Variants in ATM observed in about 807,000 individuals in gnomAD.
The protein encoded by ATM is serine-protein kinase ATM.
Under a neutral mutation model 387.0 loss-of-function variants are expected in ATM, and 308 were observed. The ratio of observed to expected loss-of-function variants is 0.80; its 90% CI spans 0.73 to 0.87. The LOEUF (loss-of-function observed/expected upper bound fraction) is 0.87, where lower values mean the gene tolerates loss of function less well. Among genes scored for constraint, ATM ranks in the 40% least tolerant of loss-of-function variants. The pLI, the probability that ATM is intolerant of heterozygous loss-of-function variation, is 0.00. For missense variants in ATM, 3,312 were observed against 3,560.9 expected (o/e 0.93, Z 1.78); for synonymous variants, 1,156 against 1,187.3 (o/e 0.97, Z 0.54).
chr11:108,298,696 A>G (rs995305186), intron 33 of ATM, among the ~76,000 whole-genome samples: 5 of 152,244 alleles, frequency 3.3e-5, no homozygotes, highest in Non-Finnish European at 7.3e-5. Context: ...AGCCAGAGCA[A>G]TTAAACAAGA....
rs745737218 is a variant in ATM at position 108,268,557 on chromosome 11, T to A, written c.2786T>A (p.Met929Lys). ...GCTGATATTCGGAGGAAATTGTTAA[T>A]GTTAATTGATTCTAGCACGCTAGAA... ...RAADIRRKLL[M>K]LIDSSTLEPT... Residue 929 changes from methionine (M) to lysine (K), a missense_variant, in exon 18 of 63, where the codon ATG (methionine) becomes AAG (lysine). Physicochemically the swap from Met to Lys is moderately conservative, Grantham distance 95 (BLOSUM62 -1). This residue lies in a region of ATM where 1,791 missense variants were observed against 1,804.5 expected (regional missense o/e 0.99). Transcript: ENST00000675843. 1 of 1,614,106 alleles carries A rather than the reference T, an allele frequency of 6.2e-7. No homozygotes were observed. Among genetic ancestry groups the A allele is most frequent in the Middle Eastern group, 1.7e-4 (1 of 6,060 alleles).
chr11:108,275,778 C>G (rs2081911544), intron 22 of ATM, among the ~76,000 whole-genome samples: 2 of 152,200 alleles, frequency 1.3e-5, no homozygotes, highest in African/African-American at 4.8e-5. Flanking sequence ...CGACCTTTCT[C>G]TCTGGCTGCC....
chr11:108,290,947 G>A (rs184856247), intron 29 of ATM, among the ~76,000 whole-genome samples: 2 of 152,028 alleles, frequency 1.3e-5, no homozygotes, highest in South Asian at 2.1e-4. Flanking sequence ...TAGAATTGGG[G>A]TTGTTCGGCC....
In ATM at chr11:108,233,978, A is replaced by G. The variant is rs911829634; in HGVS notation, c.332-1692A>G. ...ATTTTATTATAATATTAATTTCTGT[A>G]GTTATTCAACACAAATTAATTTTTA... On this transcript the variant is annotated intron_variant, in intron 4 of 62. Coordinates refer to ENST00000675843, the MANE Select transcript of ATM (RefSeq NM_000051.4). 2.0e-5 allele frequency among the ~76,000 whole-genome samples: 3 copies of G among 152,226 alleles called. No individual in the cohort carries two copies. The South Asian group carries it at 6.2e-4, about 32-fold the overall frequency.
At chr11:108,305,229 G>A (rs1312134143) in intron 37 of ATM, among the ~76,000 whole-genome samples, 1 of 152,230 alleles carries the variant, frequency 6.6e-6, no homozygotes, top group African/African-American at 2.4e-5. Context: ...TTTAGGTACT[G>A]TGGTGCAGAT....
intron 5 of ATM, among the ~76,000 whole-genome samples, chr11:108,237,905 T>G (rs1271848096): frequency 4.9e-5 from 2 of 40,848 alleles, no homozygotes; most frequent in Admixed American, 3.6e-4. Context: ...TTAGGTTTTT[T>G]TTTTTTTTTT....
chr11:108,290,053 T>C, intron 29 of ATM: 1 of 387,522 alleles, frequency 2.6e-6, no homozygotes. Context: ...GAGGTGGGGT[T>C]TCACCATATT....
At chr11:108,267,644 G>T (rs2081334156) in intron 17 of ATM, among the ~76,000 whole-genome samples, 1 of 152,138 alleles carries the variant, frequency 6.6e-6, no homozygotes, top group Non-Finnish European at 1.5e-5. Context: ...TGATCATGAG[G>T]TCAGGAGATC....
At chr11:108,313,131 G>T (rs1020322228) in intron 40 of ATM, among the ~76,000 whole-genome samples, 2 of 152,092 alleles carry the variant, frequency 1.3e-5, no homozygotes, top group African/African-American at 2.4e-5. Context: ...ATAATCTTCC[G>T]TCATGTTACA....
intron 42 of ATM, 130 bp from the exon 43 acceptor site, chr11:108,317,243 T>C: frequency 2.2e-6 from 2 of 911,956 alleles, no homozygotes; most frequent in Admixed American, 4.4e-5. Context: ...CCAGCTGATA[T>C]TTTGGGATTT....
intron 32 of ATM, chr11:108,296,892 C>T: frequency 3.8e-6 from 1 of 261,442 alleles, no homozygotes; most frequent in Non-Finnish European, 7.5e-6. Flanking sequence ...ACATTTCCAT[C>T]ATTGCAGAAA....
chr11:108,359,643 C>T (rs187353029), intron 61 of ATM, among the ~76,000 whole-genome samples: 1 of 152,262 alleles, frequency 6.6e-6, no homozygotes, highest in Non-Finnish European at 1.5e-5. Context: ...TTAAGAATCT[C>T]ACTCAAAACC....
chr11:108,357,709 C>T (rs934734169), intron 61 of ATM, among the ~76,000 whole-genome samples: 180 of 152,244 alleles, frequency 1.2e-3, no homozygotes, highest in East Asian at 2.5e-3. Flanking sequence ...CGGCAGGGTA[C>T]TCCAACAGAC....
At position 108,332,120 on chromosome 11, in the gene ATM, T is replaced by C. The variant is rs1443465486; in HGVS notation, c.7788+83T>C. On this transcript the variant is annotated intron_variant, in intron 52 of 62. Transcript: ENST00000675843. ...TATTTCTTTTTAAAATCTTGTGTTA[T>C]TAAGATGCCATCTAAAATCGGTTCA... 1.9e-6 allele frequency: 3 copies of C among 1,539,364 alleles called. No homozygotes were observed. In the East Asian group the frequency reaches 7.2e-5, roughly 37 times the overall value.
intron 61 of ATM, among the ~76,000 whole-genome samples, chr11:108,358,440 G>T (rs1012219347): frequency 1.3e-5 from 2 of 151,012 alleles, no homozygotes; most frequent in African/African-American, 2.4e-5. Context: ...AGGAAATACA[G>T]AGAATGCCAC....
At chr11:108,305,396 G>A (rs1043531717) in intron 37 of ATM, among the ~76,000 whole-genome samples, 2 of 151,976 alleles carry the variant, frequency 1.3e-5, no homozygotes, top group South Asian at 2.1e-4. Context: ...CCTGGCCAAC[G>A]TGGTGAAACC....
chr11:108,318,007 T>C (rs1222869860), intron 43 of ATM, among the ~76,000 whole-genome samples: 2 of 152,164 alleles, frequency 1.3e-5, no homozygotes, highest in Non-Finnish European at 2.9e-5. Flanking sequence ...ATAGCACTTA[T>C]ATTGGCTGGA....
rs1555122117 is a variant in ATM, at chr11:108,329,133, T to C, written c.7202T>C (p.Ile2401Thr). Residue 2401 changes from isoleucine (I) to threonine (T), a missense_variant, in exon 49 of 63, where the codon ATT becomes ACT. Around this residue, in one of 4 missense-constraint regions of ATM, gnomAD observed 1,405 missense variants for 1,604.4 expected, o/e 0.88. Transcript: ENST00000675843. ...TTTTCAGATACTCAATACCAAAGAA[T>C]TGAAAACTACATGAAATCATCGGAA... ...ARFSDTQYQR[I>T]ENYMKSSEFE... 6 of 1,614,056 alleles carry C rather than the reference T, an allele frequency of 3.7e-6. No individual in the cohort carries two copies. The highest frequency in any genetic ancestry group is 1.1e-5 in the South Asian group (1 of 91,072).
intron 5 of ATM, among the ~76,000 whole-genome samples, chr11:108,237,899 G>GT (rs369161623): frequency 0.021 from 1,937 of 91,856 alleles, 40 homozygotes; most frequent in African/African-American, 0.064. Flanking sequence ...ATTTACTTAG[G>GT]TTTTTTTTTT....
Sources: gnomAD v4.1 joint callset for allele counts (sites outside exome capture counted in the v4.1 genomes callset) on GRCh38, gnomAD v4.1.1 for gene constraint, gnomAD v4.1.1 regional missense constraint, MANE v1.5 for transcripts, NCBI Gene and HGNC (gene_info 2026-07-23, HGNC 2026-07-21) for gene names.